TRPS1: variants seen among roughly 807,000 people sequenced by gnomAD.
TRPS1 encodes the protein zinc finger transcription factor Trps1.
A neutral mutation model predicts 101.2 loss-of-function variants in TRPS1; 6 were observed. The ratio of observed to expected loss-of-function variants is 0.06; its 90% CI spans 0.03 to 0.12. TRPS1 has a LOEUF of 0.12. Ranked by LOEUF, TRPS1 falls within the 10% of genes least tolerant of loss-of-function variation. TRPS1 has a pLI of 1.00. For missense variants in TRPS1, 1,363 were observed against 1,567.0 expected, an observed-to-expected ratio of 0.87 and a Z score of 2.20; for synonymous variants, 578 against 589.8, an observed-to-expected ratio of 0.98 and a Z score of 0.29.
At chr8:115,549,603 A>G (rs186562634) in intron 5 of TRPS1, among the ~76,000 whole-genome samples, 2 of 151,816 alleles carry the variant, frequency 1.3e-5, no homozygotes, top group African/African-American at 2.4e-5. Flanking sequence ...AGTTCGCCCA[A>G]ATGTTTGCAG....
chr8:115,668,365 T>TTTTC (rs1204528742), intron 1 of TRPS1, 180 bp downstream of exon 1: 2 of 143,208 alleles, frequency 1.4e-5, no homozygotes, highest in African/African-American at 5.3e-5. Context: ...TTTTTTTTTT[T>TTTTC]CAAAGAAAGT....
intron 5 of TRPS1, among the ~76,000 whole-genome samples, chr8:115,488,882 A>G (rs1814953068): frequency 6.6e-6 from 1 of 152,190 alleles, no homozygotes; most frequent in Non-Finnish European, 1.5e-5. Context: ...GACATTATAA[A>G]TGAGGTTATG....
intron 1 of TRPS1, among the ~76,000 whole-genome samples, chr8:115,652,745 G>A (rs1811591085): frequency 6.6e-6 from 1 of 152,156 alleles, no homozygotes; most frequent in Non-Finnish European, 1.5e-5. Flanking sequence ...AATCCAAATA[G>A]CCAGAAGATA....
chr8:115,626,533 T>C (rs1330223087), intron 1 of TRPS1, among the ~76,000 whole-genome samples: 1 of 151,778 alleles, frequency 6.6e-6, no homozygotes, highest in Non-Finnish European at 1.5e-5. Context: ...TTCCTATCCA[T>C]TTCTATTTAA....
intron 5 of TRPS1, among the ~76,000 whole-genome samples, chr8:115,543,285 A>C (rs915550421): frequency 6.6e-6 from 1 of 152,150 alleles, no homozygotes; most frequent in Non-Finnish European, 1.5e-5. Context: ...GATTAAACTA[A>C]ATTGTGGCTA....
intron 5 of TRPS1, among the ~76,000 whole-genome samples, chr8:115,564,518 A>G (rs1817021005): frequency 6.6e-6 from 1 of 152,146 alleles, no homozygotes; most frequent in South Asian, 2.1e-4. Context: ...CAGTTTATGC[A>G]GGGAGAAATG....
intron 5 of TRPS1, among the ~76,000 whole-genome samples, chr8:115,553,546 T>C (rs1266674598): frequency 6.6e-6 from 1 of 152,184 alleles, no homozygotes; most frequent in African/African-American, 2.4e-5. Context: ...TTTATGATAA[T>C]ATATGTTATT....
chr8:115,592,769 A>C (rs2721969), intron 4 of TRPS1, among the ~76,000 whole-genome samples: 152,194 of 152,194 alleles, frequency 1, 76,097 homozygotes, highest in Non-Finnish European at 1. Flanking sequence ...TGCTGGAAGA[A>C]TAGGGTAGAA....
chr8:115,498,411 CTCTCTATATATATATATA>C (rs1244474026), intron 5 of TRPS1, among the ~76,000 whole-genome samples: 49 of 72,684 alleles, frequency 6.7e-4, no homozygotes, highest in African/African-American at 3.2e-3. Flanking sequence ...CTCTCTCTCT[CTCTCTATATATATATATA>C]TATATATATA....
At chr8:115,641,914 A>G (rs1166550715) in intron 1 of TRPS1, among the ~76,000 whole-genome samples, 2 of 151,948 alleles carry the variant, frequency 1.3e-5, no homozygotes, top group East Asian at 1.9e-4. Flanking sequence ...ACAAAACTCC[A>G]TTTTCAGTTT....
intron 5 of TRPS1, among the ~76,000 whole-genome samples, chr8:115,528,725 A>G (rs1816059509): frequency 1.3e-5 from 2 of 152,078 alleles, no homozygotes; most frequent in African/African-American, 4.8e-5. Context: ...TCACTTTATT[A>G]TAAATAGTCT....
intron 5 of TRPS1, among the ~76,000 whole-genome samples, chr8:115,560,812 A>G (rs1304092056): frequency 1.3e-5 from 2 of 152,132 alleles, no homozygotes; most frequent in Non-Finnish European, 1.5e-5. Flanking sequence ...CTGAAGTATT[A>G]AACACCATCA....
chr8:115,418,502 G>A lies in TRPS1; in HGVS notation c.2701-50C>T. On this transcript the variant is annotated intron_variant, in intron 5 of 6. Coordinates refer to ENST00000395715, the MANE Select transcript of TRPS1 (RefSeq NM_014112.5). The surrounding 1 kb of genome is among the most constrained non-coding windows in gnomAD (Gnocchi z 4.3). ...GTCAGAGGTGAGTCACATGATCAGT[G>A]GAGTTAGACCAAATCAACCCAGGAG... 1 of 1,613,636 alleles carries A rather than the reference G, an allele frequency of 6.2e-7. No individual in the cohort carries two copies. Among genetic ancestry groups the A allele is most frequent in the South Asian group, 1.1e-5 (1 of 91,052 alleles).
chr8:115,506,097 T>TA (rs1369275452), intron 5 of TRPS1, among the ~76,000 whole-genome samples: 1 of 152,124 alleles, frequency 6.6e-6, no homozygotes, highest in East Asian at 1.9e-4. Flanking sequence ...TTTATCTTGT[T>TA]AATGAACTAC....
intron 5 of TRPS1, among the ~76,000 whole-genome samples, chr8:115,542,129 T>A (rs912652002): frequency 6.6e-6 from 1 of 152,224 alleles, no homozygotes; most frequent in African/African-American, 2.4e-5. Flanking sequence ...ATAAGACTAC[T>A]GCAATTTACT....
rs1480911469 is a variant in TRPS1 at position 115,498,407 on chromosome 8, CTCTCTCTCTATATATA to C, written c.2701-79971_2701-79956del. Among the ~76,000 whole-genome samples the C allele has an allele frequency of 5.2e-3, 441 of 84,988 alleles. 1 individual carries two copies. The highest frequency in any genetic ancestry group is 0.023 in the African/African-American group (407 of 17,466). The allele number at this position is 84,988 out of a possible 152,430, so 55.8% of individuals were successfully genotyped here. On this transcript the variant is annotated intron_variant, in intron 5 of 6. Coordinates refer to ENST00000395715, the MANE Select transcript of TRPS1 (RefSeq NM_014112.5). Reference sequence around the variant, plus strand: ...TCTCTCTCTCTCTCTCTCTCTCTCTCTCTCTCTCTATATATATATATATATATATATATATATATAT... The same window carrying C: ...TCTCTCTCTCTCTCTCTCTCTCTCTCTATATATATATATATATATATATAT...
At chr8:115,423,218 C>T (rs1015098655) in intron 5 of TRPS1, among the ~76,000 whole-genome samples, 1 of 152,186 alleles carries the variant, frequency 6.6e-6, no homozygotes, top group Admixed American at 6.5e-5. Flanking sequence ...TGATTGTTTG[C>T]TTTTCTTTTA....
Position 115,460,118 on chromosome 8 carries a change from A to G in TRPS1, c.2701-41666T>C, listed in dbSNP as rs530108124. ...AATCTCTCTCTTTTTTGTTACTGAT[A>G]TATCTCAAGTGCCAAAATAGTGACT... On this transcript the variant is annotated intron_variant, in intron 5 of 6. Transcript: ENST00000395715. 2.8e-4 allele frequency among the ~76,000 whole-genome samples: 42 copies of G among 152,244 alleles called. No individual in the cohort carries two copies. In the South Asian group the frequency reaches 8.5e-3, roughly 31 times the overall value.
At chr8:115,645,399 G>C (rs1054632889) in intron 1 of TRPS1, among the ~76,000 whole-genome samples, 1 of 152,032 alleles carries the variant, frequency 6.6e-6, no homozygotes, top group East Asian at 1.9e-4. Context: ...TTTTATTAAC[G>C]AAGTGCTTAT....
Sources: gnomAD v4.1 joint callset for allele counts (sites outside exome capture counted in the v4.1 genomes callset) on GRCh38, gnomAD v4.1.1 for gene constraint, Gnocchi (gnomAD v3.1) non-coding constraint, MANE v1.5 for transcripts, NCBI Gene and HGNC (gene_info 2026-07-23, HGNC 2026-07-21) for gene names.